The following HK1 variants were observed in gnomAD, a reference collection of about 807,000 sequenced individuals.
HK1 encodes the protein hexokinase-1.
In HK1, 28 loss-of-function variants were observed where a neutral mutation model predicts 91.6. The ratio of observed to expected loss-of-function variants is 0.31; its 90% CI spans 0.23 to 0.42. The LOEUF (loss-of-function observed/expected upper bound fraction) is 0.42. Ranked by LOEUF, HK1 falls within the 10% of genes least tolerant of loss-of-function variation. HK1 has a pLI of 1.00. For synonymous variants in HK1, 430 were observed against 468.1 expected (o/e 0.92, Z 1.05); for missense variants, 770 against 1,219.8 (o/e 0.63, Z 5.49).
Position 69,281,695 on chromosome 10 carries a change from C to T in HK1, c.-390-834C>T, listed in dbSNP as rs538166566. 2.6e-5 allele frequency among the ~76,000 whole-genome samples: 4 copies of T among 152,038 alleles called. No individual in the cohort carries two copies. In the South Asian group the frequency reaches 8.3e-4, roughly 32 times the overall value. On this transcript the variant is annotated intron_variant, in intron 1 of 21. Transcript: ENST00000360289. ...GTAAGCTCCATGAAGACAGGATATACGAATAGTAGGAAAAAAGGAAGGGTT... is the reference window on the plus strand; with the variant it reads ...GTAAGCTCCATGAAGACAGGATATATGAATAGTAGGAAAAAAGGAAGGGTT...
chr10:69,398,193 A>G (rs1424178373), intron 16 of HK1, among the ~76,000 whole-genome samples: 1 of 152,236 alleles, frequency 6.6e-6, no homozygotes, highest in African/African-American at 2.4e-5. Flanking sequence ...GCATCCCTAG[A>G]GGGAATACTG....
At chr10:69,302,774 A>T (rs1845943075) in intron 5 of HK1, among the ~76,000 whole-genome samples, 1 of 136,752 alleles carries the variant, frequency 7.3e-6, no homozygotes, top group Non-Finnish European at 1.6e-5. Flanking sequence ...AAAAAAAAAA[A>T]GTTTGTAGGT....
intron 3 of HK1, among the ~76,000 whole-genome samples, chr10:69,294,127 C>T (rs541311644): frequency 7.2e-5 from 11 of 152,158 alleles, no homozygotes; most frequent in East Asian, 1.9e-4. Context: ...TCCCAAAGTG[C>T]TGGGATTACA....
intron 4 of HK1, among the ~76,000 whole-genome samples, chr10:69,295,883 G>A (rs1474666195): frequency 5.3e-5 from 8 of 152,142 alleles, no homozygotes; most frequent in Non-Finnish European, 1.2e-4. Context: ...TTCCAAGGGT[G>A]CCTAGTAACA....
chr10:69,364,063 A>G (rs1245544758), intron 3 of HK1, among the ~76,000 whole-genome samples: 1 of 152,210 alleles, frequency 6.6e-6, no homozygotes, highest in African/African-American at 2.4e-5. Flanking sequence ...AAACAGGCAG[A>G]TGTAACTGAG....
chr10:69,366,074 G>A (rs1378056254), intron 4 of HK1, among the ~76,000 whole-genome samples: 4 of 151,970 alleles, frequency 2.6e-5, no homozygotes, highest in Admixed American at 6.6e-5. Flanking sequence ...TAGGTGATCC[G>A]CCTGCCTCGG....
intron 1 of HK1, among the ~76,000 whole-genome samples, chr10:69,320,565 T>A (rs531208846): frequency 2.0e-5 from 3 of 152,140 alleles, no homozygotes; most frequent in Admixed American, 6.5e-5. Flanking sequence ...GTTCTTCCCA[T>A]TGGACCAGGG....
At chr10:69,331,830 T>C (rs1182093799) in intron 1 of HK1, among the ~76,000 whole-genome samples, 1 of 152,022 alleles carries the variant, frequency 6.6e-6, no homozygotes, top group Non-Finnish European at 1.5e-5. Context: ...GAGCCATGAT[T>C]GGAGTGCACT....
intron 1 of HK1, among the ~76,000 whole-genome samples, chr10:69,276,434 G>A (rs1564747097): frequency 6.6e-6 from 1 of 151,682 alleles, no homozygotes; most frequent in African/African-American, 2.4e-5. Context: ...CGAGGCGGGT[G>A]GATCACCTGA....
intron 2 of HK1, among the ~76,000 whole-genome samples, chr10:69,354,252 T>C (rs1849022488): frequency 6.6e-6 from 1 of 151,910 alleles, no homozygotes; most frequent in Non-Finnish European, 1.5e-5. Context: ...TTGTGCTTAA[T>C]AAACAGCAAG....
chr10:69,388,409 T>C (rs1223265847), intron 13 of HK1, among the ~76,000 whole-genome samples: 2 of 151,652 alleles, frequency 1.3e-5, no homozygotes, highest in Non-Finnish European at 2.9e-5. Flanking sequence ...GTTGCGGTAG[T>C]ACACTCCAGC....
At chr10:69,316,374 G>C (rs1846641047), upstream of HK1, among the ~76,000 whole-genome samples, 1 of 152,228 alleles carries the variant, frequency 6.6e-6, no homozygotes, top group Non-Finnish European at 1.5e-5. Context: ...GAATGACTTG[G>C]ATGGCATGAG....
intron 2 of HK1, among the ~76,000 whole-genome samples, chr10:69,348,345 CCTTCT>C (rs769613059): frequency 3.9e-5 from 6 of 152,274 alleles, no homozygotes; most frequent in Non-Finnish European, 7.3e-5. Flanking sequence ...AAAATATTTA[CCTTCT>C]CTTCTTGCAG....
In HK1 at chr10:69,295,703, T is replaced by TC. The variant is rs370659816; in HGVS notation, c.-67+23_-67+24insC. On this transcript the variant is annotated intron_variant, in intron 4 of 21. Coordinates refer to the HK1 transcript ENST00000360289. ...GAGGTAAGAAAGCTATTTTTTTTTT[T>TC]ATTTCCTTCTGTAACATTTTCTGTA... 2.9e-3 allele frequency: 4,123 copies of TC among 1,435,748 alleles called. 1 individual carries two copies. The highest frequency in any genetic ancestry group is 3.6e-3 in the Non-Finnish European group (3,699 of 1,021,212). The allele number at this position is 1,435,748 out of a possible 1,614,324, so 88.9% of individuals were successfully genotyped here.
At chr10:69,291,784 G>T (rs1449424790) in intron 3 of HK1, among the ~76,000 whole-genome samples, 1 of 152,174 alleles carries the variant, frequency 6.6e-6, no homozygotes, top group Non-Finnish European at 1.5e-5. Flanking sequence ...GCCAAAAATT[G>T]CATGGTCCAT....
intron 1 of HK1, among the ~76,000 whole-genome samples, chr10:69,334,692 C>T (rs1370208227): frequency 6.6e-6 from 1 of 152,170 alleles, no homozygotes; most frequent in African/African-American, 2.4e-5. Flanking sequence ...CCTAGGGCTC[C>T]TGGGCACACA....
At chr10:69,344,809 GCGTGGCGCCCTCA>G (rs1307877028) in intron 2 of HK1, among the ~76,000 whole-genome samples, 14 of 150,944 alleles carry the variant, frequency 9.3e-5, no homozygotes, top group Non-Finnish European at 2.1e-4. Context: ...GCTTGCTCCA[GCGTGGCGCCCTCA>G]CAGGAATCCC....
At position 69,273,360 on chromosome 10, in the gene HK1, C is replaced by T. The variant is rs556980657; in HGVS notation, c.-391+3252C>T. On this transcript the variant is annotated intron_variant, in intron 1 of 21. Transcript: ENST00000360289. ...ACTCCCAAGTAGCTGGGACTACAGG[C>T]GCCCGTCACCACACCCAGATAATTT... Among the ~76,000 whole-genome samples the T allele has an allele frequency of 7.9e-5, 12 of 152,188 alleles. No homozygotes were observed. In the South Asian group the frequency reaches 1.5e-3, roughly 18 times the overall value.
rs548445040 is a variant in HK1, at chr10:69,368,159, G to A, written c.496-377G>A. 6.6e-5 allele frequency among the ~76,000 whole-genome samples: 10 copies of A among 152,354 alleles called. No individual in the cohort carries two copies. The South Asian group carries it at 2.1e-3, about 32-fold the overall frequency. On this transcript the variant is annotated intron_variant, in intron 4 of 17. Coordinates refer to ENST00000359426, the MANE Select transcript of HK1 (RefSeq NM_000188.3). The stretch of plus-strand genomic sequence containing the variant: ...CCAGGGCTGTGGAAGCCGGGGTCTG[G>A]TTGGGAAGTGGGGAAGGGGGCCAGG...
Sources: allele counts gnomAD v4.1 joint callset (sites outside exome capture counted in the v4.1 genomes callset), GRCh38; gene constraint gnomAD v4.1.1; transcripts MANE v1.5; gene names NCBI Gene and HGNC (gene_info 2026-07-23, HGNC 2026-07-21).